PASK: variants seen among roughly 807,000 people sequenced by gnomAD.
PASK encodes PAS domain containing serine/threonine kinase.
In PASK, 110 loss-of-function variants were observed where a neutral mutation model predicts 121.0. The observed-to-expected ratio is 0.91, with a 90% CI of 0.78 to 1.06. PASK has a LOEUF of 1.06. Ranked by LOEUF, PASK falls within the 50% of genes least tolerant of loss-of-function variation. The pLI, the probability that PASK is intolerant of heterozygous loss-of-function variation, is 0.00. For missense variants in PASK, 1,643 were observed against 1,702.3 expected (o/e 0.97, Z 0.61); for synonymous variants, 686 against 717.8 (o/e 0.96, Z 0.71).
At chr2:241,117,619 A>T (rs2065430750) in intron 12 of PASK, among the ~76,000 whole-genome samples, 1 of 152,240 alleles carries the variant, frequency 6.6e-6, no homozygotes, top group African/African-American at 2.4e-5. Flanking sequence ...AACACACACA[A>T]ACATAAACCC....
intron 12 of PASK, among the ~76,000 whole-genome samples, chr2:241,122,135 C>T (rs2065639539): frequency 6.6e-6 from 1 of 151,798 alleles, no homozygotes; most frequent in Non-Finnish European, 1.5e-5. Flanking sequence ...AAAATTAAAA[C>T]ATTAAATGAT....
At chr2:241,144,667 G>A (rs1187384881) in intron 1 of PASK, among the ~76,000 whole-genome samples, 5 of 152,206 alleles carry the variant, frequency 3.3e-5, no homozygotes, top group African/African-American at 1.2e-4. Context: ...GGAATAGCGA[G>A]CTTGGACAAG....
At chr2:241,118,219 G>GA (rs539550313) in intron 12 of PASK, among the ~76,000 whole-genome samples, 3,625 of 137,144 alleles carry the variant, frequency 0.026, 277 homozygotes, top group East Asian at 0.23. Context: ...AACAAGCTTG[G>GA]AAAAAAAAAA....
chr2:241,119,024 C>A, intron 12 of PASK: 1 of 844,776 alleles, frequency 1.2e-6, no homozygotes, highest in Non-Finnish European at 1.4e-6. Context: ...GCAGCCCGTT[C>A]CCAGCCCTGA....
chr2:241,127,469 G>A lies in PASK; in HGVS notation c.1464-18C>T. 6.2e-7 allele frequency: 1 copy of A among 1,605,380 alleles called. No individual in the cohort carries two copies. The highest frequency in any genetic ancestry group is 8.5e-7 in the Non-Finnish European group (1 of 1,172,268). ...TGTCCACCCTGGGGATAATGACATGGGTGACCATCATGTAGGGCCACAGAT... is the reference window on the plus strand; with the variant it reads ...TGTCCACCCTGGGGATAATGACATGAGTGACCATCATGTAGGGCCACAGAT... On this transcript the variant is annotated intron_variant, in intron 9 of 17. Transcript: ENST00000234040.
chr2:241,140,163 C>T (rs1211536896), intron 3 of PASK, 108 bp from the exon 4 acceptor site: 5 of 869,540 alleles, frequency 5.8e-6, no homozygotes, highest in Non-Finnish European at 7.6e-6. Flanking sequence ...TCCTGACAGA[C>T]AGGGTCTCAC....
At chr2:241,140,477 CA>C (rs1489572700) in intron 3 of PASK, 43 bp downstream of exon 3, 8 of 1,368,242 alleles carry the variant, frequency 5.8e-6, no homozygotes, top group Non-Finnish European at 8.3e-6. Context: ...GCACAAACCA[CA>C]AATCCACATC....
chr2:241,107,321 AT>A, intron 17 of PASK, 31 bp downstream of exon 17: 1 of 1,601,912 alleles, frequency 6.2e-7, no homozygotes, highest in East Asian at 2.2e-5. Flanking sequence ...AAGTGAAGTC[AT>A]GTGGGGTGGA....
chr2:241,108,624 C>T lies in PASK; in HGVS notation c.3534-324G>A, dbSNP rs1370878431. 2.1e-5 allele frequency: 9 copies of T among 419,026 alleles called. No individual in the cohort carries two copies. Among genetic ancestry groups the T allele is most frequent in the African/African-American group, 1.0e-4 (5 of 48,944 alleles). 26.0% of individuals were successfully genotyped at this position (419,026 alleles called of 1,614,324 possible). On this transcript the variant is annotated intron_variant, in intron 15 of 17. Transcript: ENST00000234040. This position sits in a 1 kb window ranked among gnomAD's most constrained non-coding sequence, Gnocchi z 5.2. ...GGCTTCCTGGAGGAAGCAGAGTACA[C>T]GTCCATTGGCTTTGCTGAGGGCCAC...
intron 12 of PASK, among the ~76,000 whole-genome samples, chr2:241,121,437 G>A (rs1412231477): frequency 1.3e-5 from 2 of 152,072 alleles, no homozygotes; most frequent in East Asian, 1.9e-4. Flanking sequence ...ACAGAAAGTA[G>A]GAAAAATAGA....
At chr2:241,140,127 G>T in intron 3 of PASK, 72 bp from the exon 4 acceptor site, 2 of 1,234,954 alleles carry the variant, frequency 1.6e-6, no homozygotes, top group Non-Finnish European at 1.2e-6. Flanking sequence ...GAACAGCCCA[G>T]GACGACCATG....
At chr2:241,149,997 G>A (rs955064910), upstream of PASK, 3 of 1,410,654 alleles carry the variant, frequency 2.1e-6, no homozygotes, top group African/African-American at 2.9e-5. Flanking sequence ...GAATGTTGTT[G>A]CTCTTGCCGT....
chr2:241,144,982 C>T (rs1437918357), intron 1 of PASK, among the ~76,000 whole-genome samples: 1 of 152,158 alleles, frequency 6.6e-6, no homozygotes, highest in Non-Finnish European at 1.5e-5. Context: ...GGCGCGACTT[C>T]GGCTCACTGC....
At chr2:241,125,385 C>A (rs981835865) in intron 10 of PASK, among the ~76,000 whole-genome samples, 1 of 149,720 alleles carries the variant, frequency 6.7e-6, no homozygotes, top group South Asian at 2.1e-4. Flanking sequence ...CGGATCACGA[C>A]GTCAGGAGAA....
Position 241,112,531 on chromosome 2 carries a change from A to G in PASK, c.3334-92T>C. The G allele has an allele frequency of 2.5e-6, 2 of 806,188 alleles. No individual in the cohort carries two copies. The highest frequency in any genetic ancestry group is 4.0e-6 in the Non-Finnish European group (2 of 505,230). The allele number at this position is 806,188 out of a possible 1,614,324, so 49.9% of individuals were successfully genotyped here. A position where few individuals can be genotyped will look rare whatever the true frequency, so the allele number is the denominator to read the frequency against. ...AACTGGAACAAAAAAAAACACAAAG[A>G]AAAAATAAACCTCCGACTCATAATG... is the stretch of plus-strand genomic sequence containing the variant. On this transcript the variant is annotated intron_variant, in intron 14 of 17. Transcript: ENST00000234040. This position sits in a 1 kb window ranked among gnomAD's most constrained non-coding sequence, Gnocchi z 5.2.
intron 9 of PASK, among the ~76,000 whole-genome samples, chr2:241,128,445 C>T (rs1160952375): frequency 6.6e-6 from 1 of 152,226 alleles, no homozygotes; most frequent in African/African-American, 2.4e-5. Context: ...CCAAGGGACC[C>T]AGGCCTCCTG....
intron 14 of PASK, chr2:241,114,485 CCT>C (rs756595369): frequency 1.3e-4 from 128 of 999,062 alleles, no homozygotes; most frequent in East Asian, 1.0e-3. Context: ...GTTTCTTCCC[CCT>C]GTCCCTCTGC....
Position 241,118,737 on chromosome 2 carries a change from C to T in PASK, c.3073-3324G>A, listed in dbSNP as rs149856946. 1.3e-5 allele frequency: 3 copies of T among 234,080 alleles called. No homozygotes were observed. In the East Asian group the frequency reaches 2.4e-4, roughly 19 times the overall value. The allele number at this position is 234,080 out of a possible 1,614,324, so 14.5% of individuals were successfully genotyped here. A position where few individuals can be genotyped will look rare whatever the true frequency, so the allele number is the denominator to read the frequency against. Reference sequence around the variant, plus strand: ...TCTGCTTCCCAGTCTTCAGGAGCCCCCAGTGCAAAGCCCAGGGGCTGGCAG... The same window carrying T: ...TCTGCTTCCCAGTCTTCAGGAGCCCTCAGTGCAAAGCCCAGGGGCTGGCAG... On this transcript the variant is annotated intron_variant, in intron 12 of 17. Transcript: ENST00000234040.
intron 1 of PASK, among the ~76,000 whole-genome samples, chr2:241,144,799 T>TAGCC (rs2066877257): frequency 6.6e-6 from 1 of 152,230 alleles, no homozygotes; most frequent in Non-Finnish European, 1.5e-5. Context: ...TCCCCCCTCC[T>TAGCC]TGCCTTATCC....
Sources: allele counts gnomAD v4.1 joint callset (sites outside exome capture counted in the v4.1 genomes callset), GRCh38; gene constraint gnomAD v4.1.1; non-coding constraint Gnocchi (gnomAD v3.1); transcripts MANE v1.5; gene names NCBI Gene and HGNC (gene_info 2026-07-23, HGNC 2026-07-21).